KRT80: variants seen among roughly 807,000 people sequenced by gnomAD.
KRT80 encodes keratin 80, also known as keratin, type II cytoskeletal 80.
In KRT80, 36 loss-of-function variants were observed where a neutral mutation model predicts 51.5. The observed-to-expected ratio is 0.70, with a 90% CI of 0.54 to 0.92. KRT80 has a LOEUF of 0.92. Ranked by LOEUF, KRT80 falls within the 40% of genes least tolerant of loss-of-function variation. The pLI, the probability that KRT80 is intolerant of heterozygous loss-of-function variation, is 0.00. For synonymous variants in KRT80, 235 were observed against 248.3 expected (o/e 0.95, Z 0.50); for missense variants, 566 against 591.7 (o/e 0.96, Z 0.45).
At chr12:52,181,174 C>G (rs1941315574) in intron 2 of KRT80, among the ~76,000 whole-genome samples, 1 of 152,158 alleles carries the variant, frequency 6.6e-6, no homozygotes, top group African/African-American at 2.4e-5. Flanking sequence ...CCGTTCCTCA[C>G]TCCCTCCTGA....
intron 3 of KRT80, 145 bp from the exon 4 acceptor site, chr12:52,180,753 G>T (rs1429863260): frequency 5.0e-6 from 8 of 1,587,086 alleles, no homozygotes; most frequent in Non-Finnish European, 6.9e-6. Context: ...AGCTGGATGG[G>T]GATGGGGGTA....
intron 1 of KRT80, among the ~76,000 whole-genome samples, chr12:52,190,615 A>G (rs1234212050): frequency 6.6e-6 from 1 of 152,220 alleles, no homozygotes; most frequent in African/African-American, 2.4e-5. Context: ...TCAGAAATGT[A>G]CAGTTTTCCT....
chr12:52,185,943 G>A (rs1163436133), intron 1 of KRT80, among the ~76,000 whole-genome samples: 2 of 151,942 alleles, frequency 1.3e-5, no homozygotes, highest in South Asian at 2.1e-4. Flanking sequence ...AACATGGGGT[G>A]TCAGAGGCCT....
At position 52,191,913 on chromosome 12, in the gene KRT80, G is replaced by A. The variant is rs987861918; in HGVS notation, c.-11C>T. On this transcript the variant is annotated 5_prime_UTR_variant, in exon 1 of 9. Coordinates refer to ENST00000394815, the MANE Select transcript of KRT80 (RefSeq NM_182507.3). Reference sequence around the variant, plus strand: ...GGAGCGGCAGGCCATGGTGCCCCCGGCCGGAAGCAGGAGGGCCCAGGGGGG... The same window carrying A: ...GGAGCGGCAGGCCATGGTGCCCCCGACCGGAAGCAGGAGGGCCCAGGGGGG... 2.1e-6 allele frequency: 3 copies of A among 1,455,446 alleles called. No individual in the cohort carries two copies. Among genetic ancestry groups the A allele is most frequent in the Non-Finnish European group, 2.7e-6 (3 of 1,102,602 alleles). 90.2% of individuals were successfully genotyped at this position (1,455,446 alleles called of 1,614,324 possible). A position where few individuals can be genotyped will look rare whatever the true frequency, so the allele number is the denominator to read the frequency against.
intron 1 of KRT80, among the ~76,000 whole-genome samples, chr12:52,188,845 C>T (rs1168906649): frequency 6.6e-6 from 1 of 152,196 alleles, no homozygotes; most frequent in Non-Finnish European, 1.5e-5. Context: ...GCAGCCTCTG[C>T]TGGAGGTCGG....
At chr12:52,185,886 G>A (rs1355889903) in intron 1 of KRT80, 2 of 460,646 alleles carry the variant, frequency 4.3e-6, no homozygotes, top group Non-Finnish European at 8.0e-6. Context: ...CCAAGCATGC[G>A]ACAGGCTCTC....
Position 52,191,621 on chromosome 12 carries a change from A to C in KRT80, c.282T>G (p.Phe94Leu). The part of the protein sequence containing the change: ...KEEMKALNDK[F>L]ASLIGKVQAL... Reference sequence around the variant, plus strand: ...TGCTCACCTTGCCAATTAGGGAGGCAAATTTATCATTGAGGGCCTTCATCT... The same window carrying C: ...TGCTCACCTTGCCAATTAGGGAGGCCAATTTATCATTGAGGGCCTTCATCT... The change falls in exon 1 of 9, where the codon TTT becomes TTG. Residue 94 changes from phenylalanine (F) to leucine (L), a missense_variant. By Grantham distance (22) the Phe-to-Leu change is conservative. Transcript: ENST00000394815. 6.3e-7 allele frequency: 1 copy of C among 1,593,208 alleles called. No homozygotes were observed. The highest frequency in any genetic ancestry group is 8.6e-7 in the Non-Finnish European group (1 of 1,165,900).
intron 7 of KRT80, 101 bp downstream of exon 7, chr12:52,172,097 G>T: frequency 7.7e-7 from 1 of 1,303,950 alleles, no homozygotes; most frequent in Non-Finnish European, 1.1e-6. Context: ...AGGCCTGGTA[G>T]GCTCACTGTA....
intron 1 of KRT80, among the ~76,000 whole-genome samples, chr12:52,186,462 T>G (rs1941404827): frequency 6.6e-6 from 1 of 152,118 alleles, no homozygotes; most frequent in Non-Finnish European, 1.5e-5. Flanking sequence ...TTGCTCTACA[T>G]GCTTGACCCA....
intron 2 of KRT80, among the ~76,000 whole-genome samples, chr12:52,183,591 A>T (rs1317840961): frequency 6.6e-6 from 1 of 152,232 alleles, no homozygotes. Flanking sequence ...AGAGAGGAAG[A>T]GAGGCTCAGC....
At chr12:52,186,468 A>C (rs1164293889) in intron 1 of KRT80, among the ~76,000 whole-genome samples, 2 of 151,896 alleles carry the variant, frequency 1.3e-5, no homozygotes, top group African/African-American at 4.8e-5. Flanking sequence ...TACATGCTTG[A>C]CCCATGAAAT....
chr12:52,185,894 C>G (rs892153971), intron 1 of KRT80: 15 of 448,704 alleles, frequency 3.3e-5, no homozygotes, highest in African/African-American at 2.8e-4. Flanking sequence ...GCGACAGGCT[C>G]TCCATGCCTG....
chr12:52,191,295 C>A (rs1264898962), intron 1 of KRT80, among the ~76,000 whole-genome samples: 6 of 152,206 alleles, frequency 3.9e-5, no homozygotes, highest in Admixed American at 3.9e-4. Flanking sequence ...GCACCCCTGG[C>A]CACACTAGGT....
rs114137560 is a variant in KRT80, at chr12:52,182,250, T to A, written c.510-1287A>T. Among the ~76,000 whole-genome samples the A allele has an allele frequency of 8.0e-3, 1,222 of 152,206 alleles. 5 individuals carry two copies. Among genetic ancestry groups the A allele is most frequent in the Admixed American group, 0.011 (166 of 15,300 alleles). ...ATCCCCAGAGAGAACTAAATTGGAC[T>A]TGAGTGGGGAATAACAGGTGCTGAG... On this transcript the variant is annotated intron_variant, in intron 2 of 8. Transcript: ENST00000394815.
In KRT80 at chr12:52,171,659, G is replaced by A. The variant is rs1037750143; in HGVS notation, c.1233C>T (p.Thr411=). The change falls in exon 8 of 9, where the codon ACC becomes ACT. Residue 411 remains threonine (T), a splice_region_variant and synonymous_variant. Transcript: ENST00000394815. The stretch of plus-strand genomic sequence containing the variant: ...GGTTCTCGGGGCAAGAGGACTCACC[G>A]GTTTTGCACCTGGACTGCACAGCGC... The part of the protein sequence containing the change: ...VVSAVQSRCK[T]AASRSGLSKA... 6 of 1,515,378 alleles carry A rather than the reference G, an allele frequency of 4.0e-6. No individual in the cohort carries two copies. Among genetic ancestry groups the A allele is most frequent in the African/African-American group, 1.4e-5 (1 of 71,872 alleles). The allele number at this position is 1,515,378 out of a possible 1,614,324, so 93.9% of individuals were successfully genotyped here.
At position 52,191,028 on chromosome 12, in the gene KRT80, G is replaced by A. The variant is rs1425462016; in HGVS notation, c.300+575C>T. 1.1e-4 allele frequency among the ~76,000 whole-genome samples: 16 copies of A among 152,216 alleles called. 1 individual carries two copies. The highest frequency in any genetic ancestry group is 4.1e-4 in the South Asian group (2 of 4,820). On this transcript the variant is annotated intron_variant, in intron 1 of 8. Transcript: ENST00000394815. ...CTTCCCTGTTCTGACTCGAGGCATCGTCCCCTGCATTCCTATCTCCTGACA... is the reference window on the plus strand; with the variant it reads ...CTTCCCTGTTCTGACTCGAGGCATCATCCCCTGCATTCCTATCTCCTGACA...
Position 52,188,994 on chromosome 12 carries a change from C to G in KRT80, c.300+2609G>C, listed in dbSNP as rs78753016. ...CACCGGCAGAGCAGAGCAGTGGAAT[C>G]TGGGGCGCAGAGAGGGTAAATGACT... On this transcript the variant is annotated intron_variant, in intron 1 of 8. Coordinates refer to ENST00000394815, the MANE Select transcript of KRT80 (RefSeq NM_182507.3). Among the ~76,000 whole-genome samples the G allele has an allele frequency of 1.6e-4, 24 of 152,332 alleles. No homozygotes were observed. In the East Asian group the frequency reaches 3.5e-3, roughly 22 times the overall value.
chr12:52,185,877 C>T (rs1286741141), intron 1 of KRT80: 1 of 479,446 alleles, frequency 2.1e-6, no homozygotes, highest in African/African-American at 2.0e-5. Flanking sequence ...GTGAGAGTGC[C>T]AAGCATGCGA....
intron 2 of KRT80, among the ~76,000 whole-genome samples, chr12:52,181,615 C>T (rs188703968): frequency 2.8e-4 from 42 of 152,318 alleles, no homozygotes; most frequent in Non-Finnish European, 3.8e-4. Context: ...CCACCCCTGA[C>T]GCAGTTGACA....
Sources: gnomAD v4.1 joint callset for allele counts (sites outside exome capture counted in the v4.1 genomes callset) on GRCh38, gnomAD v4.1.1 for gene constraint, MANE v1.5 for transcripts, NCBI Gene and HGNC (gene_info 2026-07-23, HGNC 2026-07-21) for gene names.